The following FBXW7 variants were observed in gnomAD, a reference collection of about 807,000 sequenced individuals.
FBXW7 encodes the protein F-box and WD repeat domain containing 7, also known as F-box/WD repeat-containing protein 7.
Under a neutral mutation model 86.3 loss-of-function variants are expected in FBXW7, and 11 were observed. The observed-to-expected ratio is 0.13, with a 90% CI of 0.08 to 0.21. The LOEUF is 0.21. Ranked by LOEUF, FBXW7 falls within the 10% of genes least tolerant of loss-of-function variation. FBXW7 has a pLI of 1.00. For missense variants in FBXW7, 488 were observed against 847.4 expected (o/e 0.58, Z 5.27); for synonymous variants, 313 against 297.9 (o/e 1.05, Z -0.52).
intron 2 of FBXW7, among the ~76,000 whole-genome samples, chr4:152,475,125 T>C (rs1744279484): frequency 1.3e-5 from 2 of 148,982 alleles, no homozygotes; most frequent in South Asian, 2.1e-4. Flanking sequence ...TGTATATTTA[T>C]TTATATATAT....
intron 2 of FBXW7, among the ~76,000 whole-genome samples, chr4:152,475,404 G>A (rs1204023414): frequency 1.4e-4 from 21 of 152,090 alleles, no homozygotes; most frequent in Non-Finnish European, 7.4e-5. Flanking sequence ...TCCAGCCTTC[G>A]CAACTGAGCA....
At position 152,322,867 on chromosome 4, in the gene FBXW7, A is replaced by G. The variant is rs766564757; in HGVS notation, c.*14T>C. ...ATCGTCTACACAATTGGACAAATTC[A>G]TCTTTTCTGCTCTTCACTTCATGTC... On this transcript the variant is annotated 3_prime_UTR_variant, in exon 14 of 14. Coordinates refer to ENST00000281708, the MANE Select transcript of FBXW7 (RefSeq NM_001349798.2). The G allele has an allele frequency of 2.5e-6, 4 of 1,612,474 alleles. No homozygotes were observed. Among genetic ancestry groups the G allele is most frequent in the South Asian group, 1.1e-5 (1 of 91,034 alleles).
At chr4:152,471,394 A>G (rs1309503561) in intron 2 of FBXW7, among the ~76,000 whole-genome samples, 2 of 146,832 alleles carry the variant, frequency 1.4e-5, no homozygotes, top group African/African-American at 5.0e-5. Context: ...AGAAGGAAGG[A>G]GGGAAGGAGG....
At chr4:152,527,976 G>C (rs1220230223) in intron 2 of FBXW7, among the ~76,000 whole-genome samples, 1 of 151,770 alleles carries the variant, frequency 6.6e-6, no homozygotes, top group Non-Finnish European at 1.5e-5. Context: ...ATTTGGAACT[G>C]ATAATAAACA....
intron 2 of FBXW7, among the ~76,000 whole-genome samples, chr4:152,458,402 A>G (rs1441307670): frequency 6.6e-6 from 1 of 152,246 alleles, no homozygotes; most frequent in Non-Finnish European, 1.5e-5. Context: ...TCATCTTTTA[A>G]GAGCATCTAA....
intron 2 of FBXW7, among the ~76,000 whole-genome samples, chr4:152,460,185 T>C (rs1251053057): frequency 1.3e-5 from 2 of 152,220 alleles, no homozygotes; most frequent in African/African-American, 4.8e-5. Context: ...TATACATTAC[T>C]AAAATTAAAC....
Position 152,464,972 on chromosome 4 carries a change from T to C in FBXW7, c.-119-52443A>G, listed in dbSNP as rs368511624. Among the ~76,000 whole-genome samples the C allele has an allele frequency of 1.1e-4, 16 of 152,352 alleles. No individual in the cohort carries two copies. The East Asian group carries it at 1.2e-3, about 11-fold the overall frequency. ...GGCAATTAGAATAATCCAAGTCCAG[T>C]TGAGCCTTTCTGAGTAAGATTAGTA... is the stretch of plus-strand genomic sequence containing the variant. On this transcript the variant is annotated intron_variant, in intron 2 of 13. Transcript: ENST00000281708.
chr4:152,521,087 A>G (rs1488587838), intron 2 of FBXW7, among the ~76,000 whole-genome samples: 4 of 152,196 alleles, frequency 2.6e-5, no homozygotes, highest in African/African-American at 7.2e-5. Flanking sequence ...TTAACATACT[A>G]TATGTCTACA....
chr4:152,426,764 T>A (rs1739425530), intron 2 of FBXW7, among the ~76,000 whole-genome samples: 1 of 152,172 alleles, frequency 6.6e-6, no homozygotes, highest in Non-Finnish European at 1.5e-5. Context: ...AAGTCTAGCC[T>A]CTGTGAACTT....
chr4:152,353,647 G>A (rs1276299406), intron 4 of FBXW7, among the ~76,000 whole-genome samples: 1 of 152,084 alleles, frequency 6.6e-6, no homozygotes, highest in Non-Finnish European at 1.5e-5. Context: ...GGAGGCACTA[G>A]ACTTCTATCT....
chr4:152,509,176 C>G (rs560144988), intron 2 of FBXW7, among the ~76,000 whole-genome samples: 15 of 152,102 alleles, frequency 9.9e-5, no homozygotes, highest in African/African-American at 3.1e-4. Flanking sequence ...TGATCCTGGA[C>G]CAGAGAAAGG....
At chr4:152,333,301 T>C (rs1393434009) in intron 7 of FBXW7, among the ~76,000 whole-genome samples, 1 of 152,096 alleles carries the variant, frequency 6.6e-6, no homozygotes, top group African/African-American at 2.4e-5. Flanking sequence ...ATAAAAGTAA[T>C]TGAGTTCTGA....
At chr4:152,499,833 G>T (rs931558821) in intron 2 of FBXW7, among the ~76,000 whole-genome samples, 2 of 151,900 alleles carry the variant, frequency 1.3e-5, no homozygotes, top group Non-Finnish European at 2.9e-5. Flanking sequence ...AAAATTTTTT[G>T]CTCATACAGA....
intron 4 of FBXW7, among the ~76,000 whole-genome samples, chr4:152,403,275 C>T (rs1309975699): frequency 6.6e-6 from 1 of 151,978 alleles, no homozygotes; most frequent in Non-Finnish European, 1.5e-5. Context: ...GTCAGGAGTT[C>T]GAGGCCAGCC....
chr4:152,346,396 G>T (rs888978533), intron 6 of FBXW7, among the ~76,000 whole-genome samples: 6 of 151,610 alleles, frequency 4.0e-5, no homozygotes, highest in African/African-American at 1.5e-4. Context: ...AGAAGATGAA[G>T]GAAGGTCTTA....
At chr4:152,431,222 C>T (rs1739862358) in intron 2 of FBXW7, among the ~76,000 whole-genome samples, 1 of 152,178 alleles carries the variant, frequency 6.6e-6, no homozygotes, top group African/African-American at 2.4e-5. Context: ...TAACTGCATT[C>T]TGTCAAAAGA....
chr4:152,442,951 T>G (rs989660172), intron 2 of FBXW7, among the ~76,000 whole-genome samples: 4 of 152,092 alleles, frequency 2.6e-5, no homozygotes, highest in African/African-American at 9.7e-5. Flanking sequence ...TAGGTGAAGA[T>G]TGAAAGAAGT....
intron 6 of FBXW7, among the ~76,000 whole-genome samples, chr4:152,342,493 C>T (rs905304204): frequency 3.3e-5 from 5 of 152,142 alleles, no homozygotes; most frequent in African/African-American, 1.2e-4. Context: ...GCAACTCATC[C>T]AGTGTTGATG....
chr4:152,491,405 G>T (rs1186130744), intron 2 of FBXW7, among the ~76,000 whole-genome samples: 3 of 152,066 alleles, frequency 2.0e-5, no homozygotes, highest in Non-Finnish European at 4.4e-5. Flanking sequence ...TAGTGTAGAG[G>T]TTGATAATAG....
Sources: gnomAD v4.1 joint callset for allele counts (sites outside exome capture counted in the v4.1 genomes callset) on GRCh38, gnomAD v4.1.1 for gene constraint, MANE v1.5 for transcripts, NCBI Gene and HGNC (gene_info 2026-07-23, HGNC 2026-07-21) for gene names.